GPC5: variants seen among roughly 807,000 people sequenced by gnomAD.
GPC5 encodes glypican-5.
Under a neutral mutation model 53.9 loss-of-function variants are expected in GPC5, and 47 were observed. That is an observed-to-expected ratio of 0.87 (90% confidence interval 0.69 to 1.11). The LOEUF is 1.11. Among genes scored for constraint, GPC5 ranks in the 50% most tolerant of loss-of-function variants. The pLI is 0.00. For synonymous variants in GPC5, 286 were observed against 263.3 expected (o/e 1.09, Z -0.84); for missense variants, 748 against 713.1 (o/e 1.05, Z -0.56).
chr13:92,467,036 C>A (rs4773687), intron 7 of GPC5, among the ~76,000 whole-genome samples: 95,761 of 151,826 alleles, frequency 0.63, 31,346 homozygotes, highest in East Asian at 0.89. Flanking sequence ...GCTGGAGAAA[C>A]GAGGCCTCCA....
At chr13:92,210,284 G>T (rs2042365695) in intron 7 of GPC5, among the ~76,000 whole-genome samples, 1 of 152,100 alleles carries the variant, frequency 6.6e-6, no homozygotes, top group African/African-American at 2.4e-5. Context: ...ACTCAAAGTT[G>T]TAGTATATTT....
intron 7 of GPC5, among the ~76,000 whole-genome samples, chr13:92,281,104 C>T (rs956601843): frequency 6.6e-6 from 1 of 152,310 alleles, no homozygotes; most frequent in South Asian, 2.1e-4. Flanking sequence ...GATAATATCC[C>T]GTGCCTGGCT....
intron 7 of GPC5, among the ~76,000 whole-genome samples, chr13:92,267,655 G>A (rs1215388268): frequency 6.6e-6 from 1 of 151,956 alleles, no homozygotes; most frequent in East Asian, 1.9e-4. Context: ...CATATTTTAT[G>A]GATTCCACAT....
intron 2 of GPC5, among the ~76,000 whole-genome samples, chr13:91,517,184 G>A (rs994004022): frequency 2.0e-5 from 3 of 152,120 alleles, no homozygotes; most frequent in Non-Finnish European, 4.4e-5. Flanking sequence ...CCCAGAAAAT[G>A]GGTTTTTCTT....
At chr13:92,605,342 C>T (rs1884214656) in intron 7 of GPC5, among the ~76,000 whole-genome samples, 1 of 152,164 alleles carries the variant, frequency 6.6e-6, no homozygotes, top group Non-Finnish European at 1.5e-5. Context: ...CTTTACTTGT[C>T]ACTACAGCTT....
At chr13:91,712,108 A>G (rs892873567) in intron 3 of GPC5, among the ~76,000 whole-genome samples, 2 of 152,220 alleles carry the variant, frequency 1.3e-5, no homozygotes, top group African/African-American at 4.8e-5. Context: ...GTTTATTTCC[A>G]GAGAGATGAG....
intron 7 of GPC5, among the ~76,000 whole-genome samples, chr13:92,777,510 C>A (rs758535004): frequency 6.6e-6 from 1 of 151,870 alleles, no homozygotes; most frequent in Non-Finnish European, 1.5e-5. Flanking sequence ...CGCCTGTATT[C>A]CCAGCTACTT....
intron 6 of GPC5, among the ~76,000 whole-genome samples, chr13:92,086,266 G>A (rs2041335343): frequency 6.6e-6 from 1 of 152,140 alleles, no homozygotes; most frequent in Admixed American, 6.5e-5. Context: ...TTTTCCAGGA[G>A]GACACATCTT....
intron 2 of GPC5, among the ~76,000 whole-genome samples, chr13:91,633,856 A>T (rs2034220943): frequency 1.3e-5 from 2 of 152,074 alleles, no homozygotes; most frequent in African/African-American, 4.8e-5. Context: ...GAGGATAATG[A>T]CTTCCCTGAT....
intron 7 of GPC5, among the ~76,000 whole-genome samples, chr13:92,633,011 C>T (rs1344734132): frequency 2.0e-5 from 3 of 152,244 alleles, no homozygotes; most frequent in East Asian, 3.9e-4. Context: ...CTGCCTCAGC[C>T]TCCTGAGTAG....
intron 2 of GPC5, among the ~76,000 whole-genome samples, chr13:91,491,271 G>A (rs1313648424): frequency 6.6e-6 from 1 of 152,154 alleles, no homozygotes; most frequent in East Asian, 1.9e-4. Flanking sequence ...TATGAATTAT[G>A]TTTACTCCTC....
intron 6 of GPC5, among the ~76,000 whole-genome samples, chr13:91,908,999 T>C (rs1291575701): frequency 1.3e-5 from 2 of 152,156 alleles, no homozygotes; most frequent in East Asian, 1.9e-4. Flanking sequence ...GAGCCAGTTC[T>C]TAGGTTCCCA....
intron 2 of GPC5, among the ~76,000 whole-genome samples, chr13:91,596,605 T>C (rs185793234): frequency 1.3e-5 from 2 of 152,322 alleles, no homozygotes; most frequent in Admixed American, 1.3e-4. Flanking sequence ...TTCCTATAAA[T>C]ATTCTTGAGA....
chr13:91,626,642 CTTATT>C (rs1413490230), intron 2 of GPC5, among the ~76,000 whole-genome samples: 1 of 151,722 alleles, frequency 6.6e-6, no homozygotes, highest in Non-Finnish European at 1.5e-5. Context: ...GATTGAGGAG[CTTATT>C]TTATTTTATT....
At chr13:92,655,110 C>T (rs1166050072) in intron 7 of GPC5, among the ~76,000 whole-genome samples, 6 of 152,020 alleles carry the variant, frequency 3.9e-5, no homozygotes, top group Non-Finnish European at 5.9e-5. Flanking sequence ...CTATCCACAC[C>T]TTCATTTCAA....
At chr13:92,221,522 C>A (rs1364271739) in intron 7 of GPC5, among the ~76,000 whole-genome samples, 1 of 152,128 alleles carries the variant, frequency 6.6e-6, no homozygotes. Flanking sequence ...GTTTTCCCAA[C>A]ACCCTCTCCC....
At chr13:92,444,725 A>G (rs1300027735) in intron 7 of GPC5, among the ~76,000 whole-genome samples, 1 of 150,670 alleles carries the variant, frequency 6.6e-6, no homozygotes. Context: ...TAAAAAAAAA[A>G]AAAAAAAAAA....
Position 91,428,013 on chromosome 13 carries a change from T to A in GPC5, c.164-20748T>A, listed in dbSNP as rs552198424. On this transcript the variant is annotated intron_variant, in intron 1 of 7. Transcript: ENST00000377067. The stretch of plus-strand genomic sequence containing the variant: ...AAGTTTCCTGAGGCCTTCCCAGCCA[T>A]GTGGAAATGTGAGTCAATTAAACCT... Among the ~76,000 whole-genome samples the A allele has an allele frequency of 2.0e-5, 3 of 152,312 alleles. No individual in the cohort carries two copies. The East Asian group carries it at 5.8e-4, about 29-fold the overall frequency.
At chr13:91,565,259 G>T in intron 2 of GPC5, among the ~76,000 whole-genome samples, 1 of 152,008 alleles carries the variant, frequency 6.6e-6, no homozygotes, top group South Asian at 2.1e-4. Flanking sequence ...CAAAGTGTTG[G>T]GATTGCAGAC....
Sources: gnomAD v4.1 joint callset for allele counts (sites outside exome capture counted in the v4.1 genomes callset) on GRCh38, gnomAD v4.1.1 for gene constraint, MANE v1.5 for transcripts, NCBI Gene and HGNC (gene_info 2026-07-23, HGNC 2026-07-21) for gene names.